Variants in RBFOX1 observed in about 807,000 individuals in gnomAD.
The protein encoded by RBFOX1 is RNA binding protein fox-1 homolog 1.
Under a neutral mutation model 57.7 loss-of-function variants are expected in RBFOX1, and 8 were observed. That is an observed-to-expected ratio of 0.14 (90% CI 0.08 to 0.25). The LOEUF (loss-of-function observed/expected upper bound fraction) is 0.25, where lower values mean the gene tolerates loss of function less well. RBFOX1 is among the 10% of genes least tolerant of loss of function. The pLI is 1.00. For missense variants in RBFOX1, 611 were observed against 548.5 expected, an observed-to-expected ratio of 1.11 and a Z score of -1.14; for synonymous variants, 326 against 222.4, an observed-to-expected ratio of 1.47 and a Z score of -4.15.
intron 4 of RBFOX1, among the ~76,000 whole-genome samples, chr16:7,197,090 C>G (rs1372640919): frequency 1.3e-5 from 2 of 152,182 alleles, no homozygotes; most frequent in Non-Finnish European, 2.9e-5. Context: ...ACATGTATTA[C>G]TCCTGTTCCA....
At chr16:7,127,329 T>A (rs920512591) in intron 4 of RBFOX1, among the ~76,000 whole-genome samples, 1 of 152,222 alleles carries the variant, frequency 6.6e-6, no homozygotes, top group East Asian at 1.9e-4. Context: ...GAGAGAAGGT[T>A]AAAAGTAACA....
chr16:6,822,082 T>G (rs2091405744), intron 3 of RBFOX1, among the ~76,000 whole-genome samples: 1 of 152,086 alleles, frequency 6.6e-6, no homozygotes, highest in South Asian at 2.1e-4. Context: ...GTGAAATGGT[T>G]GCGTGTGATT....
chr16:6,789,947 T>G (rs797015732), intron 3 of RBFOX1, among the ~76,000 whole-genome samples: 3 of 151,832 alleles, frequency 2.0e-5, no homozygotes, highest in African/African-American at 7.2e-5. Flanking sequence ...TTCCCTAACT[T>G]ATTGATTTCT....
intron 4 of RBFOX1, among the ~76,000 whole-genome samples, chr16:7,239,474 G>C (rs2093946490): frequency 6.6e-6 from 1 of 152,136 alleles, no homozygotes; most frequent in South Asian, 2.1e-4. Context: ...ACTCCAGCCT[G>C]GGCAACAGAG....
chr16:7,676,496 G>A (rs528223380), intron 13 of RBFOX1, among the ~76,000 whole-genome samples: 1 of 152,136 alleles, frequency 6.6e-6, no homozygotes, highest in Non-Finnish European at 1.5e-5. Flanking sequence ...CAAGACAATC[G>A]CCATTAACAT....
chr16:5,867,606 C>T lies in RBFOX1; in HGVS notation c.351+271C>T, dbSNP rs55758013. Among the ~76,000 whole-genome samples, 1,247 of 152,312 alleles carry T rather than the reference C, an allele frequency of 8.2e-3. 11 individuals carry two copies. Among genetic ancestry groups the T allele is most frequent in the Non-Finnish European group, 0.014 (972 of 68,022 alleles). On this transcript the variant is annotated intron_variant, in intron 4 of 19. Coordinates refer to the RBFOX1 transcript ENST00000641259. ...CAGATACATCATAATTCTAGCCCAG[C>T]TCAGACAAAGCCCTGGCTCTGCCAA...
At chr16:6,788,341 A>G (rs1011574069) in intron 3 of RBFOX1, among the ~76,000 whole-genome samples, 1 of 152,130 alleles carries the variant, frequency 6.6e-6, no homozygotes, top group Non-Finnish European at 1.5e-5. Flanking sequence ...TTCAGGTTCA[A>G]CACAAGCTGG....
intron 4 of RBFOX1, among the ~76,000 whole-genome samples, chr16:5,940,266 C>G (rs1567170442): frequency 1.3e-5 from 2 of 152,172 alleles, no homozygotes; most frequent in African/African-American, 4.8e-5. Flanking sequence ...TGAGTCGCAT[C>G]TTCCACCTAA....
chr16:6,869,381 C>G (rs73538590), intron 3 of RBFOX1, among the ~76,000 whole-genome samples: 10 of 151,952 alleles, frequency 6.6e-5, no homozygotes, highest in Non-Finnish European at 1.2e-4. Context: ...GAGAAAGAGT[C>G]AAACATGGGT....
chr16:5,834,410 A>G (rs554222572), intron 3 of RBFOX1, among the ~76,000 whole-genome samples: 1 of 152,286 alleles, frequency 6.6e-6, no homozygotes. Flanking sequence ...GTTCCATCCA[A>G]GTTGATGCAA....
chr16:6,434,431 C>G (rs1305633646), intron 2 of RBFOX1, among the ~76,000 whole-genome samples: 5 of 152,082 alleles, frequency 3.3e-5, no homozygotes, highest in Non-Finnish European at 7.4e-5. Flanking sequence ...TAGGCCCATC[C>G]CACAGTTTTT....
Position 7,685,195 on chromosome 16 carries a change from C to T in RBFOX1, c.995+8357C>T, listed in dbSNP as rs191099432. On this transcript the variant is annotated intron_variant, in intron 14 of 15. Coordinates refer to ENST00000550418, the MANE Select transcript of RBFOX1 (RefSeq NM_018723.4). Reference sequence around the variant, plus strand: ...TAGAGAACAAGCTTCTGTTCTACCCCGATATGCCATAATGTTGACAAAGGG... The same window carrying T: ...TAGAGAACAAGCTTCTGTTCTACCCTGATATGCCATAATGTTGACAAAGGG... Among the ~76,000 whole-genome samples the T allele has an allele frequency of 2.4e-3, 363 of 152,148 alleles. 2 individuals carry two copies. The highest frequency in any genetic ancestry group is 4.2e-3 in the Non-Finnish European group (288 of 67,958).
chr16:7,356,939 C>A (rs148803873), intron 4 of RBFOX1, among the ~76,000 whole-genome samples: 50 of 152,292 alleles, frequency 3.3e-4, no homozygotes, highest in African/African-American at 1.2e-3. Flanking sequence ...AGATTGAGAT[C>A]AAGTCTTGTT....
At chr16:6,793,896 C>G (rs552929113) in intron 3 of RBFOX1, among the ~76,000 whole-genome samples, 5 of 152,090 alleles carry the variant, frequency 3.3e-5, no homozygotes, top group Non-Finnish European at 5.9e-5. Context: ...TATGAAACAT[C>G]TATCTCCCTC....
chr16:5,777,029 T>G (rs982653409), intron 3 of RBFOX1, among the ~76,000 whole-genome samples: 4 of 152,224 alleles, frequency 2.6e-5, no homozygotes, highest in Non-Finnish European at 5.9e-5. Flanking sequence ...ACAGCTCTGC[T>G]GCAAACTGCC....
At chr16:7,012,389 C>G (rs1027862467) in intron 3 of RBFOX1, among the ~76,000 whole-genome samples, 4 of 152,150 alleles carry the variant, frequency 2.6e-5, no homozygotes, top group African/African-American at 9.7e-5. Context: ...TATGAAAGTA[C>G]TCATCCTTCA....
intron 1 of RBFOX1, among the ~76,000 whole-genome samples, chr16:6,080,574 G>A (rs1308829691): frequency 6.6e-6 from 1 of 152,072 alleles, no homozygotes; most frequent in African/African-American, 2.4e-5. Flanking sequence ...TTACTGCAAA[G>A]GAAAAATAAA....
chr16:6,098,845 A>C (rs969108076), intron 1 of RBFOX1, among the ~76,000 whole-genome samples: 17 of 152,146 alleles, frequency 1.1e-4, no homozygotes, highest in African/African-American at 4.1e-4. Flanking sequence ...AGTTTCCAGG[A>C]GCACTAAGTG....
chr16:6,894,740 G>T (rs1056801089), intron 3 of RBFOX1, among the ~76,000 whole-genome samples: 2 of 152,118 alleles, frequency 1.3e-5, no homozygotes, highest in African/African-American at 2.4e-5. Flanking sequence ...CCAACAGATT[G>T]TATCAGTTTA....
Sources: gnomAD v4.1 joint callset for allele counts (sites outside exome capture counted in the v4.1 genomes callset) on GRCh38, gnomAD v4.1.1 for gene constraint, MANE v1.5 for transcripts, NCBI Gene and HGNC (gene_info 2026-07-23, HGNC 2026-07-21) for gene names.